ATAD2B: variants seen among roughly 807,000 people sequenced by gnomAD.
ATAD2B encodes the protein ATPase family AAA domain containing 2B, also known as ATPase family AAA domain-containing protein 2B.
In ATAD2B, 40 loss-of-function variants were observed where a neutral mutation model predicts 167.6. That is an observed-to-expected ratio of 0.24 (90% confidence interval 0.19 to 0.31). ATAD2B has a LOEUF of 0.31. Ranked by LOEUF, ATAD2B falls within the 10% of genes least tolerant of loss-of-function variation. ATAD2B has a pLI of 1.00. For synonymous variants in ATAD2B, 579 were observed against 596.5 expected (o/e 0.97, Z 0.43); for missense variants, 1,242 against 1,757.2 (o/e 0.71, Z 5.24).
the ATAD2B span, chr2:23,684,274 C>G: frequency 2.0e-5 from 14 of 704,048 alleles, no homozygotes; most frequent in Non-Finnish European, 2.7e-5. The surrounding 1 kb of genome is among the most constrained non-coding windows in gnomAD (Gnocchi z 4.4). Flanking sequence ...CCAGTCTTGC[C>G]AAGAAACAAT....
intron 13 of ATAD2B, among the ~76,000 whole-genome samples, chr2:23,854,659 C>T (rs182996880): frequency 1.1e-3 from 144 of 136,126 alleles, no homozygotes; most frequent in African/African-American, 3.9e-3. Flanking sequence ...GCCTGGGGCA[C>T]AAGATCGAGA....
At chr2:23,764,012 A>C (rs569103533) in intron 23 of ATAD2B, among the ~76,000 whole-genome samples, 150 of 152,354 alleles carry the variant, frequency 9.8e-4, no homozygotes, top group African/African-American at 3.5e-3. Flanking sequence ...ACCAGCTGAC[A>C]GACATCTGGG....
At chr2:23,694,156 C>G in the ATAD2B span, among the ~76,000 whole-genome samples, 1 of 152,228 alleles carries the variant, frequency 6.6e-6, no homozygotes, top group Non-Finnish European at 1.5e-5. Context: ...TGCTCAGTGG[C>G]CTTCTGGGCC....
At chr2:23,865,739 G>C (rs1695039150) in intron 10 of ATAD2B, among the ~76,000 whole-genome samples, 1 of 151,858 alleles carries the variant, frequency 6.6e-6, no homozygotes, top group South Asian at 2.1e-4. Flanking sequence ...AATTTCTCTA[G>C]TCAGAGAGAA....
intron 13 of ATAD2B, 101 bp from the exon 14 acceptor site, chr2:23,834,179 T>TTTTTTG (rs1689535202): frequency 1.4e-6 from 1 of 720,930 alleles, no homozygotes; most frequent in Non-Finnish European, 2.0e-6. Context: ...TTTTTTTTTT[T>TTTTTTG]GAGATGGAGT....
intron 15 of ATAD2B, among the ~76,000 whole-genome samples, chr2:23,825,337 G>A (rs1414032823): frequency 6.6e-6 from 1 of 151,874 alleles, no homozygotes; most frequent in Non-Finnish European, 1.5e-5. Flanking sequence ...TCAAAGTTAG[G>A]GAAAAACTTA....
At chr2:23,892,354 C>T (rs190643737) in intron 2 of ATAD2B, among the ~76,000 whole-genome samples, 1,863 of 152,098 alleles carry the variant, frequency 0.012, 36 homozygotes, top group African/African-American at 0.043. Context: ...TTAGTAGAGA[C>T]GGGGTTTCAC....
chr2:23,818,141 C>CACAG lies in ATAD2B; in HGVS notation c.2267+1605_2267+1606insCTGT, dbSNP rs1553404994. ...CACACATTACACACACACACACACA[C>CACAG]AGAGAGAGAGAAGGAGGGAGGGAAG... On this transcript the variant is annotated intron_variant, in intron 17 of 27. Coordinates refer to ENST00000238789, the MANE Select transcript of ATAD2B (RefSeq NM_017552.4). 7.0e-4 allele frequency among the ~76,000 whole-genome samples: 66 copies of CACAG among 94,612 alleles called. 2 individuals carry two copies. The highest frequency in any genetic ancestry group is 2.3e-3 in the South Asian group (6 of 2,564). The allele number at this position is 94,612 out of a possible 152,430, so 62.1% of individuals were successfully genotyped here. A position where few individuals can be genotyped will look rare whatever the true frequency, so the allele number is the denominator to read the frequency against.
At chr2:23,890,541 T>A (rs1020905820) in intron 2 of ATAD2B, among the ~76,000 whole-genome samples, 4 of 152,170 alleles carry the variant, frequency 2.6e-5, no homozygotes, top group African/African-American at 9.7e-5. Flanking sequence ...AAAATCCACT[T>A]AAAACCACAC....
At chr2:23,701,939 G>A in the ATAD2B span, among the ~76,000 whole-genome samples, 2 of 151,592 alleles carry the variant, frequency 1.3e-5, no homozygotes, top group Admixed American at 6.6e-5. Context: ...TGGGTAGCTG[G>A]GTAGCTGGAA....
chr2:23,736,679 G>A, the ATAD2B span, among the ~76,000 whole-genome samples: 1 of 152,174 alleles, frequency 6.6e-6, no homozygotes, highest in African/African-American at 2.4e-5. Flanking sequence ...TCACTGGGGA[G>A]TGCCAGACAG....
intron 18 of ATAD2B, among the ~76,000 whole-genome samples, chr2:23,808,067 T>TAATATATAAGTAATTATATATATAATTA (rs1684825799): frequency 2.2e-4 from 2 of 9,102 alleles, no homozygotes; most frequent in Non-Finnish European, 4.8e-4. Context: ...CTATAAATTA[T>TAATATATAAGTAATTATATATATAATTA]AATATATAAG....
chr2:23,883,708 AAATATT>A, intron 6 of ATAD2B: 1 of 743,324 alleles, frequency 1.3e-6, no homozygotes, highest in Non-Finnish European at 2.0e-6. Context: ...TTGACTAATA[AAATATT>A]AACTACAGAA....
At chr2:23,758,140 G>C (rs749398655) in intron 24 of ATAD2B, 39 bp from the exon 25 acceptor site, 23 of 1,429,796 alleles carry the variant, frequency 1.6e-5, no homozygotes, top group Non-Finnish European at 2.0e-5. Context: ...GTAGAACTTG[G>C]AATGCAATAC....
chr2:23,721,913 A>C, the ATAD2B span, among the ~76,000 whole-genome samples: 1 of 152,250 alleles, frequency 6.6e-6, no homozygotes, highest in Non-Finnish European at 1.5e-5. Context: ...TGGTGAGCCC[A>C]TCCCTGGCAA....
At position 23,823,715 on chromosome 2, in the gene ATAD2B, T is replaced by C. The variant is rs561016036; in HGVS notation, c.1820-146A>G. 3.1e-5 allele frequency: 22 copies of C among 702,660 alleles called. No individual in the cohort carries two copies. The South Asian group carries it at 4.8e-4, about 15-fold the overall frequency. The allele number at this position is 702,660 out of a possible 1,614,324, so 43.5% of individuals were successfully genotyped here. A position where few individuals can be genotyped will look rare whatever the true frequency, so the allele number is the denominator to read the frequency against. On this transcript the variant is annotated intron_variant, in intron 15 of 27. Coordinates refer to ENST00000238789, the MANE Select transcript of ATAD2B (RefSeq NM_017552.4). ...GCAATTTTACCAGCAAAATGAAAAC[T>C]AGCCATTTAAAATCACCAAACAAAA...
At chr2:23,820,662 C>T (rs545561004) in intron 16 of ATAD2B, among the ~76,000 whole-genome samples, 1 of 152,272 alleles carries the variant, frequency 6.6e-6, no homozygotes, top group Admixed American at 6.5e-5. Flanking sequence ...AAAAAATATA[C>T]AGATGCATTC....
intron 1 of ATAD2B, among the ~76,000 whole-genome samples, chr2:23,906,044 A>T (rs1349326321): frequency 6.6e-6 from 1 of 152,162 alleles, no homozygotes; most frequent in Non-Finnish European, 1.5e-5. Context: ...TTTATCTAAA[A>T]GAGAAAGGTC....
At chr2:23,796,435 C>T (rs1468415394) in intron 19 of ATAD2B, among the ~76,000 whole-genome samples, 1 of 152,056 alleles carries the variant, frequency 6.6e-6, no homozygotes, top group African/African-American at 2.4e-5. Flanking sequence ...AAATACTAAA[C>T]CAACAGTAAA....
Sources: allele counts gnomAD v4.1 joint callset (sites outside exome capture counted in the v4.1 genomes callset), GRCh38; gene constraint gnomAD v4.1.1; non-coding constraint Gnocchi (gnomAD v3.1); transcripts MANE v1.5; gene names NCBI Gene and HGNC (gene_info 2026-07-23, HGNC 2026-07-21).